The following RELN variants were observed in gnomAD, a reference collection of about 807,000 sequenced individuals.
RELN encodes the protein reelin.
Under a neutral mutation model 427.6 loss-of-function variants are expected in RELN, and 108 were observed. The ratio of observed to expected loss-of-function variants is 0.25; its 90% confidence interval spans 0.22 to 0.30. The LOEUF is 0.30. Among genes scored for constraint, RELN ranks in the 10% least tolerant of loss-of-function variants. The pLI is 1.00. For missense variants in RELN, 3,715 were observed against 4,302.8 expected (o/e 0.86, Z 3.82); for synonymous variants, 1,524 against 1,513.4 (o/e 1.01, Z -0.16).
chr7:103,791,364 T>C (rs1563015704), intron 3 of RELN, among the ~76,000 whole-genome samples: 1 of 152,160 alleles, frequency 6.6e-6, no homozygotes, highest in South Asian at 2.1e-4. Flanking sequence ...AAAGTTACCA[T>C]AATCAAGACA....
chr7:103,755,815 GAAA>G (rs4006762), intron 4 of RELN, among the ~76,000 whole-genome samples: 1 of 103,624 alleles, frequency 9.7e-6, no homozygotes, highest in Non-Finnish European at 1.8e-5. Context: ...TCCACCTCAA[GAAA>G]AAAAAAAAAA....
chr7:103,677,935 ACTTC>A (rs1032002805), intron 11 of RELN, among the ~76,000 whole-genome samples: 1 of 151,872 alleles, frequency 6.6e-6, no homozygotes, highest in Non-Finnish European at 1.5e-5. Flanking sequence ...GCTATTGTCT[ACTTC>A]CTTCCATCAG....
At chr7:103,740,557 A>T (rs190019958) in intron 6 of RELN, among the ~76,000 whole-genome samples, 124 of 152,324 alleles carry the variant, frequency 8.1e-4, no homozygotes, top group African/African-American at 2.7e-3. Flanking sequence ...TGTCATAAAA[A>T]ACTTGGAAGA....
chr7:103,734,040 C>T (rs534694248), intron 6 of RELN, among the ~76,000 whole-genome samples: 6 of 152,130 alleles, frequency 3.9e-5, no homozygotes, highest in South Asian at 2.1e-4. Flanking sequence ...ATTTCATTTG[C>T]GGGATAATGA....
In RELN at chr7:103,496,099, T is replaced by C. The variant is rs1223385938; in HGVS notation, c.9194-201A>G. ...TAATGCATAAATCCAACGTGAGAAA[T>C]CAAACTTTGACAAGACTATTAAATG... On this transcript the variant is annotated intron_variant, in intron 56 of 64. Coordinates refer to ENST00000428762, the MANE Select transcript of RELN (RefSeq NM_005045.4). Among the ~76,000 whole-genome samples, 4 of 152,176 alleles carry C rather than the reference T, an allele frequency of 2.6e-5. 1 individual carries two copies. Among genetic ancestry groups the C allele is most frequent in the Non-Finnish European group, 1.5e-5 (1 of 68,026 alleles).
At chr7:103,566,837 C>T (rs552986280) in intron 31 of RELN, 78 bp from the exon 32 acceptor site, 3 of 1,353,832 alleles carry the variant, frequency 2.2e-6, no homozygotes, top group Admixed American at 3.4e-5. Flanking sequence ...AATGGTGAGA[C>T]TGCAGCAACC....
chr7:103,701,840 A>T (rs1039003746), intron 8 of RELN, among the ~76,000 whole-genome samples: 11 of 152,156 alleles, frequency 7.2e-5, no homozygotes, highest in Non-Finnish European at 1.3e-4. Flanking sequence ...AAAAAAAAAT[A>T]GTGCAATTTA....
chr7:103,918,179 T>A (rs1420710780), intron 1 of RELN, among the ~76,000 whole-genome samples: 1 of 152,052 alleles, frequency 6.6e-6, no homozygotes, highest in Non-Finnish European at 1.5e-5. Context: ...ACAAGACACA[T>A]ATCAATAGAA....
intron 1 of RELN, among the ~76,000 whole-genome samples, chr7:103,962,904 T>C (rs1321768001): frequency 1.3e-5 from 2 of 152,126 alleles, no homozygotes; most frequent in African/African-American, 4.8e-5. Flanking sequence ...AGGGTAAACA[T>C]AAGGTAATAT....
chr7:103,641,298 A>C (rs1385743723), intron 16 of RELN, among the ~76,000 whole-genome samples: 2 of 152,206 alleles, frequency 1.3e-5, no homozygotes, highest in Non-Finnish European at 2.9e-5. Flanking sequence ...GCATAAGCAA[A>C]TTTATAATCT....
intron 10 of RELN, among the ~76,000 whole-genome samples, chr7:103,686,145 G>A (rs1020101976): frequency 6.6e-6 from 1 of 152,122 alleles, no homozygotes; most frequent in Non-Finnish European, 1.5e-5. Flanking sequence ...TTGTTGGAAT[G>A]AGGGTATTGG....
chr7:103,538,341 T>C (rs1830102652), intron 45 of RELN, among the ~76,000 whole-genome samples: 1 of 152,164 alleles, frequency 6.6e-6, no homozygotes, highest in African/African-American at 2.4e-5. Flanking sequence ...TATATGGGGA[T>C]GTGAAAGACC....
At chr7:103,784,383 G>C (rs1791966376) in intron 3 of RELN, among the ~76,000 whole-genome samples, 1 of 152,146 alleles carries the variant, frequency 6.6e-6, no homozygotes, top group Non-Finnish European at 1.5e-5. Context: ...GTCAGTAAGA[G>C]GTGAAATCCT....
intron 8 of RELN, among the ~76,000 whole-genome samples, chr7:103,706,505 AAAG>A (rs1834203973): frequency 6.6e-6 from 1 of 152,198 alleles, no homozygotes; most frequent in South Asian, 2.1e-4. Context: ...AAACTAAGGT[AAAG>A]AAGTTAAAAA....
At chr7:103,708,873 C>A (rs189008657) in intron 8 of RELN, among the ~76,000 whole-genome samples, 1 of 152,228 alleles carries the variant, frequency 6.6e-6, no homozygotes, top group Non-Finnish European at 1.5e-5. Flanking sequence ...CCCCGTCACT[C>A]GTTGACCTCC....
At chr7:103,767,485 T>G (rs1458993324) in intron 4 of RELN, among the ~76,000 whole-genome samples, 1 of 152,182 alleles carries the variant, frequency 6.6e-6, no homozygotes, top group Non-Finnish European at 1.5e-5. Context: ...TACATGATCA[T>G]AGCATGAATT....
At chr7:103,812,715 A>T (rs772721622) in intron 3 of RELN, among the ~76,000 whole-genome samples, 2 of 152,164 alleles carry the variant, frequency 1.3e-5, no homozygotes, top group Non-Finnish European at 2.9e-5. Flanking sequence ...GTAACTCCAA[A>T]TGAGCTCTCA....
At chr7:103,734,936 A>G (rs1054098250) in intron 6 of RELN, among the ~76,000 whole-genome samples, 3 of 152,112 alleles carry the variant, frequency 2.0e-5, no homozygotes, top group African/African-American at 7.2e-5. Flanking sequence ...CGATGAGTGG[A>G]CTTCATAAAA....
intron 4 of RELN, among the ~76,000 whole-genome samples, chr7:103,769,305 T>A (rs531846185): frequency 2.5e-4 from 38 of 152,232 alleles, no homozygotes; most frequent in African/African-American, 9.2e-4. Context: ...GGGATTAAGG[T>A]CCTTATTAAG....
Sources: gnomAD v4.1 joint callset for allele counts (sites outside exome capture counted in the v4.1 genomes callset) on GRCh38, gnomAD v4.1.1 for gene constraint, MANE v1.5 for transcripts, NCBI Gene and HGNC (gene_info 2026-07-23, HGNC 2026-07-21) for gene names.